The following NPAS2 variants were observed in gnomAD, a reference collection of about 807,000 sequenced individuals.
NPAS2 encodes the protein neuronal PAS domain-containing protein 2.
A neutral mutation model predicts 107.5 loss-of-function variants in NPAS2; 23 were observed. The ratio of observed to expected loss-of-function variants is 0.21; its 90% CI spans 0.15 to 0.30. The LOEUF (loss-of-function observed/expected upper bound fraction) is 0.30, where lower values mean the gene tolerates loss of function less well. Among genes scored for constraint, NPAS2 ranks in the 10% least tolerant of loss-of-function variants. The probability of loss-of-function intolerance (pLI) is 1.00; values close to 1 mark genes in which losing one functional copy is unlikely to be tolerated. For synonymous variants in NPAS2, 403 were observed against 417.5 expected, an observed-to-expected ratio of 0.97 and a Z score of 0.42; for missense variants, 756 against 1,043.3, an observed-to-expected ratio of 0.72 and a Z score of 3.79.
At chr2:100,902,056 C>T (rs1330790314) in intron 1 of NPAS2, among the ~76,000 whole-genome samples, 1 of 151,968 alleles carries the variant, frequency 6.6e-6, no homozygotes, top group Non-Finnish European at 1.5e-5. Flanking sequence ...TTTTCTGGCA[C>T]TCTGTGATCA....
At chr2:100,828,159 A>T (rs1676502584) in intron 1 of NPAS2, among the ~76,000 whole-genome samples, 2 of 152,106 alleles carry the variant, frequency 1.3e-5, no homozygotes, top group South Asian at 4.1e-4. Flanking sequence ...CATTTATCTG[A>T]TGATTAGTGA....
Position 100,968,798 on chromosome 2 carries a change from T to G in NPAS2, c.1055+370T>G, listed in dbSNP as rs1452987651. On this transcript the variant is annotated intron_variant, in intron 11 of 20. Transcript: ENST00000335681. This position sits in a 1 kb window ranked among gnomAD's most constrained non-coding sequence, Gnocchi z 5.3. ...AGCCTTCCCTTGTTCCTGCTTTGAGTAGAAAATTTAAATTTTACCTCTAAA... is the reference window on the plus strand; with the variant it reads ...AGCCTTCCCTTGTTCCTGCTTTGAGGAGAAAATTTAAATTTTACCTCTAAA... 1.3e-5 allele frequency among the ~76,000 whole-genome samples: 2 copies of G among 152,170 alleles called. No homozygotes were observed. Among genetic ancestry groups the G allele is most frequent in the Non-Finnish European group, 2.9e-5 (2 of 68,016 alleles).
chr2:100,982,503 A>G (rs1225848572), intron 16 of NPAS2, 126 bp downstream of exon 16: 27 of 1,083,412 alleles, frequency 2.5e-5, no homozygotes, highest in Non-Finnish European at 3.5e-5. Context: ...CCATTTGCTT[A>G]TGAAAGCATA....
At chr2:100,902,896 G>A (rs542453629) in intron 1 of NPAS2, among the ~76,000 whole-genome samples, 10 of 152,330 alleles carry the variant, frequency 6.6e-5, no homozygotes, top group Admixed American at 3.9e-4. Context: ...TGAGAGGAAC[G>A]GGGCAGGGAA....
At chr2:100,914,061 G>A (rs1375839996) in intron 2 of NPAS2, among the ~76,000 whole-genome samples, 1 of 152,202 alleles carries the variant, frequency 6.6e-6, no homozygotes. Context: ...AAGGAGGGGA[G>A]AGAAGCATTG....
chr2:100,982,984 G>GT (rs1232429792), intron 16 of NPAS2: 1 of 152,536 alleles, frequency 6.6e-6, no homozygotes, highest in African/African-American at 2.4e-5. Context: ...GTTTTGTTTT[G>GT]TTTTTTGTTT....
chr2:100,974,387 AG>A (rs1676822700), intron 12 of NPAS2, among the ~76,000 whole-genome samples: 1 of 152,172 alleles, frequency 6.6e-6, no homozygotes, highest in Admixed American at 6.5e-5. Flanking sequence ...AAGCCTGGGA[AG>A]GACCCAGGAA....
intron 15 of NPAS2, among the ~76,000 whole-genome samples, chr2:100,980,439 G>A (rs76290287): frequency 0.077 from 11,719 of 152,070 alleles, 780 homozygotes; most frequent in East Asian, 0.34. Context: ...CTGGGATAGC[G>A]CAGGGTTTTT....
At position 100,976,149 on chromosome 2, in the gene NPAS2, A is replaced by G. The variant is rs1483731525; in HGVS notation, c.1392+582A>G. Among the ~76,000 whole-genome samples, 1 of 151,868 alleles carries G rather than the reference A, an allele frequency of 6.6e-6. No homozygotes were observed. Among genetic ancestry groups the G allele is most frequent in the African/African-American group, 2.4e-5 (1 of 41,356 alleles). On this transcript the variant is annotated intron_variant, in intron 14 of 20. Transcript: ENST00000335681. This position sits in a 1 kb window ranked among gnomAD's most constrained non-coding sequence, Gnocchi z 4.1. ...TGGAGTCTGGGTCAGGAATTCAGAAAGGGCATCATGGGGATGGCACTTCTC... is the reference window on the plus strand; with the variant it reads ...TGGAGTCTGGGTCAGGAATTCAGAAGGGGCATCATGGGGATGGCACTTCTC...
chr2:100,973,523 A>G (rs908469445), intron 12 of NPAS2, among the ~76,000 whole-genome samples: 3 of 152,274 alleles, frequency 2.0e-5, no homozygotes, highest in Admixed American at 1.3e-4. Flanking sequence ...CCAAATTGCC[A>G]TTTACCTCAG....
chr2:100,919,721 C>T (rs1351546903), intron 2 of NPAS2, among the ~76,000 whole-genome samples: 1 of 152,230 alleles, frequency 6.6e-6, no homozygotes, highest in East Asian at 1.9e-4. Flanking sequence ...CCTATCCTTT[C>T]CTTCTCCAAT....
Position 100,982,282 on chromosome 2 carries a change from C to T in NPAS2, c.1534C>T (p.Arg512Trp), listed in dbSNP as rs1176761910. Reference protein sequence around the residue: ...FQTIKDQLEQRTRILQANIRW... With the variant: ...FQTIKDQLEQWTRILQANIRW... ...GACCATCAAAGACCAGCTAGAGCAG[C>T]GGACGCGGATCCTGCAGGCCAATAT... is the stretch of plus-strand genomic sequence containing the variant. Residue 512 changes from arginine to tryptophan, a missense_variant, in exon 16 of 21, where the codon CGG becomes TGG. Physicochemically the swap from Arg to Trp is moderately radical, Grantham distance 101. Around this residue, in one of 4 missense-constraint regions of NPAS2, gnomAD observed 496 missense variants for 594.4 expected, o/e 0.83. Coordinates refer to ENST00000335681, the MANE Select transcript of NPAS2 (RefSeq NM_002518.4). The T allele has an allele frequency of 3.7e-6, 6 of 1,614,112 alleles. No homozygotes were observed. The highest frequency in any genetic ancestry group is 2.2e-5 in the East Asian group (1 of 44,894).
At chr2:100,892,849 C>G (rs1037724547) in intron 1 of NPAS2, among the ~76,000 whole-genome samples, 1 of 152,062 alleles carries the variant, frequency 6.6e-6, no homozygotes, top group South Asian at 2.1e-4. Context: ...TCTTGAGTAG[C>G]TGGGATTACA....
chr2:100,942,459 C>A (rs1674631844), intron 5 of NPAS2, among the ~76,000 whole-genome samples: 1 of 152,160 alleles, frequency 6.6e-6, no homozygotes, highest in Non-Finnish European at 1.5e-5. Flanking sequence ...GAGCAGAGCC[C>A]TGACAGGTGC....
chr2:100,983,140 G>T (rs563656297), intron 16 of NPAS2: 2 of 152,218 alleles, frequency 1.3e-5, no homozygotes, highest in African/African-American at 4.8e-5. Context: ...TAACCTTGGC[G>T]TCTGCCCTGG....
Position 100,982,135 on chromosome 2 carries a change from C to T in NPAS2, c.1483-96C>T, listed in dbSNP as rs181825514. The T allele has an allele frequency of 3.9e-4, 554 of 1,426,624 alleles. 3 individuals carry two copies. In the African/African-American group the frequency reaches 5.5e-3, roughly 14 times the overall value. 88.4% of individuals were successfully genotyped at this position (1,426,624 alleles called of 1,614,324 possible). ...GATGCTGGGAAAGACGGCTAAGGGACGGAAATGAAGTGTACAGACCGAGCA... is the reference window on the plus strand; with the variant it reads ...GATGCTGGGAAAGACGGCTAAGGGATGGAAATGAAGTGTACAGACCGAGCA... On this transcript the variant is annotated intron_variant, in intron 15 of 20. Transcript: ENST00000335681.
intron 3 of NPAS2, among the ~76,000 whole-genome samples, chr2:100,927,876 C>A (rs1683687544): frequency 1.3e-5 from 2 of 152,168 alleles, no homozygotes; most frequent in African/African-American, 4.8e-5. Context: ...GGCTCAGAAC[C>A]TATTAGCAAG....
intron 7 of NPAS2, 110 bp from the exon 8 acceptor site, chr2:100,963,948 T>C: frequency 2.9e-6 from 2 of 689,518 alleles, no homozygotes; most frequent in Non-Finnish European, 5.3e-6. Flanking sequence ...TAATATACTC[T>C]ACATAAACCC....
intron 17 of NPAS2, chr2:100,988,669 T>G: frequency 3.1e-6 from 1 of 323,880 alleles, no homozygotes; most frequent in Non-Finnish European, 5.9e-6. Flanking sequence ...GTTTTAACCA[T>G]TACCCACATG....
Sources: allele counts gnomAD v4.1 joint callset (sites outside exome capture counted in the v4.1 genomes callset), GRCh38; gene constraint gnomAD v4.1.1; regional missense constraint gnomAD v4.1.1; non-coding constraint Gnocchi (gnomAD v3.1); transcripts MANE v1.5; gene names NCBI Gene and HGNC (gene_info 2026-07-23, HGNC 2026-07-21).